SEMA3A: variants seen among roughly 807,000 people sequenced by gnomAD.
SEMA3A encodes the protein semaphorin 3A.
SEMA3A carries 29 observed loss-of-function variants against 97.9 expected under a neutral mutation model. That is an observed-to-expected ratio of 0.30 (90% CI 0.22 to 0.40). The LOEUF is 0.40. Among genes scored for constraint, SEMA3A ranks in the 10% least tolerant of loss-of-function variants. The pLI is 1.00. For synonymous variants in SEMA3A, 321 were observed against 323.7 expected (o/e 0.99, Z 0.09); for missense variants, 763 against 951.3 (o/e 0.80, Z 2.60).
chr7:84,424,558 TA>T (rs1804707233), intron 1 of SEMA3A, among the ~76,000 whole-genome samples: 1 of 93,044 alleles, frequency 1.1e-5, no homozygotes, highest in Non-Finnish European at 1.8e-5. Flanking sequence ...ATATATTATA[TA>T]TAATATATAA....
At chr7:84,306,179 T>C (rs1156381556) in intron 3 of SEMA3A, among the ~76,000 whole-genome samples, 1 of 151,872 alleles carries the variant, frequency 6.6e-6, no homozygotes, top group East Asian at 1.9e-4. Flanking sequence ...ATTTTTTTTG[T>C]GTATGTAAAT....
chr7:84,051,378 T>A (rs1018956892), intron 5 of SEMA3A, among the ~76,000 whole-genome samples: 1 of 152,232 alleles, frequency 6.6e-6, no homozygotes, highest in Non-Finnish European at 1.5e-5. Context: ...TATCCTCTTT[T>A]ATTTCCTTGA....
intron 6 of SEMA3A, among the ~76,000 whole-genome samples, chr7:84,031,149 C>T (rs377101381): frequency 2.6e-5 from 4 of 151,772 alleles, no homozygotes; most frequent in East Asian, 1.9e-4. Context: ...TGTGCCACCA[C>T]GCCTCGCTAG....
intron 3 of SEMA3A, among the ~76,000 whole-genome samples, chr7:84,248,846 G>A (rs547622081): frequency 7.3e-5 from 11 of 151,426 alleles, no homozygotes; most frequent in Non-Finnish European, 8.8e-5. Flanking sequence ...ATAGCCCAGC[G>A]TTCCCACTAT....
At position 84,004,732 on chromosome 7, in the gene SEMA3A, T is replaced by C. The variant is rs1213562135; in HGVS notation, c.1360+607A>G. Among the ~76,000 whole-genome samples the C allele has an allele frequency of 2.0e-5, 3 of 152,204 alleles. No individual in the cohort carries two copies. The East Asian group carries it at 5.8e-4, about 29-fold the overall frequency. ...GAAAAGGGAATTTATTTTAAATTAG[T>C]ATGTCTCAACTTGTCAGAAAAGATA... is the stretch of plus-strand genomic sequence containing the variant. On this transcript the variant is annotated intron_variant, in intron 11 of 16. Coordinates refer to ENST00000265362, the MANE Select transcript of SEMA3A (RefSeq NM_006080.3).
chr7:84,181,966 ACT>A (rs1052981187), intron 1 of SEMA3A, among the ~76,000 whole-genome samples: 2 of 151,550 alleles, frequency 1.3e-5, no homozygotes, highest in Non-Finnish European at 2.9e-5. Flanking sequence ...TTCCAGAAAA[ACT>A]CTATAAAATC....
In SEMA3A at chr7:84,321,552, T is replaced by C. The variant is rs79372488; in HGVS notation, c.-168-14260A>G. 5.6e-3 allele frequency among the ~76,000 whole-genome samples: 855 copies of C among 152,198 alleles called. 37 individuals are homozygous for C. In the East Asian group the frequency reaches 0.11, roughly 19 times the overall value. ...TTAATTGTATGTAAAATGATACTAATACATAGCAATACTAGGTACTAGTCC... is the reference window on the plus strand; with the variant it reads ...TTAATTGTATGTAAAATGATACTAACACATAGCAATACTAGGTACTAGTCC... On this transcript the variant is annotated intron_variant, in intron 2 of 3. Coordinates refer to the SEMA3A transcript ENST00000424555.
At chr7:84,158,602 C>T (rs188284469) in intron 1 of SEMA3A, among the ~76,000 whole-genome samples, 7 of 152,220 alleles carry the variant, frequency 4.6e-5, no homozygotes, top group Admixed American at 2.0e-4. Flanking sequence ...TTGTGCACTG[C>T]CCCTCTTCCC....
At chr7:83,963,671 A>G (rs921023572) in intron 15 of SEMA3A, among the ~76,000 whole-genome samples, 1 of 152,142 alleles carries the variant, frequency 6.6e-6, no homozygotes, top group Non-Finnish European at 1.5e-5. Flanking sequence ...ACAGGAAATT[A>G]TTTTCACTGC....
At chr7:84,292,934 A>G (rs1800785261) in intron 3 of SEMA3A, among the ~76,000 whole-genome samples, 1 of 152,026 alleles carries the variant, frequency 6.6e-6, no homozygotes, top group African/African-American at 2.4e-5. Flanking sequence ...TGAGGCCTAA[A>G]TGGTAAATAT....
chr7:84,413,011 T>C (rs1331459391), intron 1 of SEMA3A, among the ~76,000 whole-genome samples: 2 of 149,960 alleles, frequency 1.3e-5, no homozygotes, highest in Non-Finnish European at 3.0e-5. Flanking sequence ...TCAACAAAAA[T>C]TACTTTTCTA....
At chr7:84,257,216 A>G (rs768407965) in intron 3 of SEMA3A, among the ~76,000 whole-genome samples, 1 of 152,098 alleles carries the variant, frequency 6.6e-6, no homozygotes, top group Non-Finnish European at 1.5e-5. Flanking sequence ...AGAAAAGCCA[A>G]AGGAAGTAAT....
chr7:84,117,169 A>T (rs890582607), intron 3 of SEMA3A, among the ~76,000 whole-genome samples: 6 of 152,278 alleles, frequency 3.9e-5, no homozygotes, highest in Non-Finnish European at 8.8e-5. Context: ...ATATATGTGG[A>T]TATTTGTATG....
intron 2 of SEMA3A, among the ~76,000 whole-genome samples, chr7:84,134,533 A>T (rs1368265437): frequency 1.3e-5 from 2 of 152,218 alleles, no homozygotes; most frequent in Non-Finnish European, 2.9e-5. Flanking sequence ...ACTTTTATGT[A>T]GGAAAAATAG....
chr7:84,481,587 C>G (rs1358888485), intron 1 of SEMA3A, among the ~76,000 whole-genome samples: 1 of 152,058 alleles, frequency 6.6e-6, no homozygotes, highest in Non-Finnish European at 1.5e-5. Flanking sequence ...AATTGCAATA[C>G]TTTTTAATTT....
At chr7:84,320,965 G>A (rs73386926) in intron 2 of SEMA3A, among the ~76,000 whole-genome samples, 3,883 of 152,138 alleles carry the variant, frequency 0.026, 166 homozygotes, top group African/African-American at 0.089. Flanking sequence ...ATATATACTG[G>A]CCATCAATAT....
rs537468688 is a variant in SEMA3A at position 84,206,811 on chromosome 7, C to G, written c.-82-12143G>C. On this transcript the variant is annotated intron_variant, in intron 3 of 3. Coordinates refer to the SEMA3A transcript ENST00000424555. ...TTTTCTATAGTTCTTTCTCGTTCAA[C>G]TGCATAAATAAGTGACAGGATATGG... Among the ~76,000 whole-genome samples, 4 of 149,416 alleles carry G rather than the reference C, an allele frequency of 2.7e-5. No individual in the cohort carries two copies. In the South Asian group the frequency reaches 8.7e-4, roughly 33 times the overall value.
intron 2 of SEMA3A, among the ~76,000 whole-genome samples, chr7:84,338,153 G>A (rs1802082186): frequency 6.6e-6 from 1 of 150,672 alleles, no homozygotes; most frequent in African/African-American, 2.4e-5. Flanking sequence ...AATAAAATAT[G>A]TGTATATACA....
intron 3 of SEMA3A, among the ~76,000 whole-genome samples, chr7:84,257,765 G>A (rs960689662): frequency 5.9e-5 from 9 of 152,180 alleles, no homozygotes; most frequent in African/African-American, 2.2e-4. Flanking sequence ...TTTTTTTCTA[G>A]TGCTTAATTG....
Sources: gnomAD v4.1 joint callset for allele counts (sites outside exome capture counted in the v4.1 genomes callset) on GRCh38, gnomAD v4.1.1 for gene constraint, MANE v1.5 for transcripts, NCBI Gene and HGNC (gene_info 2026-07-23, HGNC 2026-07-21) for gene names.